The following EPHA6 variants were observed in gnomAD, a reference collection of about 807,000 sequenced individuals.
EPHA6 encodes ephrin type-A receptor 6.
In EPHA6, 50 loss-of-function variants were observed where a neutral mutation model predicts 112.0. The ratio of observed to expected loss-of-function variants is 0.45; its 90% CI spans 0.36 to 0.56. EPHA6 has a LOEUF of 0.56. Among genes scored for constraint, EPHA6 ranks in the 20% least tolerant of loss-of-function variants. The pLI, the probability that EPHA6 is intolerant of heterozygous loss-of-function variation, is 0.00. For missense variants in EPHA6, 1,280 were observed against 1,417.4 expected, an observed-to-expected ratio of 0.90 and a Z score of 1.56; for synonymous variants, 529 against 490.7, an observed-to-expected ratio of 1.08 and a Z score of -1.03.
intron 14 of EPHA6, among the ~76,000 whole-genome samples, chr3:97,694,307 G>C (rs1223817224): frequency 6.6e-6 from 1 of 151,826 alleles, no homozygotes; most frequent in East Asian, 1.9e-4. Context: ...CGTGATCTCG[G>C]CTCACTGCAA....
At chr3:97,623,390 C>G (rs575182133) in intron 13 of EPHA6, among the ~76,000 whole-genome samples, 8 of 151,742 alleles carry the variant, frequency 5.3e-5, no homozygotes, top group African/African-American at 1.9e-4. Context: ...TCTTGGCACC[C>G]TTTTCAAAAA....
intron 11 of EPHA6, among the ~76,000 whole-genome samples, chr3:97,551,725 T>C (rs1401123140): frequency 1.5e-4 from 23 of 152,116 alleles, no homozygotes; most frequent in Admixed American, 1.5e-3. Context: ...TACACTGAAA[T>C]GATAGTACAC....
intron 2 of EPHA6, among the ~76,000 whole-genome samples, chr3:96,880,265 A>G (rs2037232725): frequency 6.6e-6 from 1 of 152,152 alleles, no homozygotes; most frequent in Non-Finnish European, 1.5e-5. Flanking sequence ...CAAATAATGT[A>G]TAATTATGTG....
intron 7 of EPHA6, among the ~76,000 whole-genome samples, chr3:97,451,283 T>C (rs545962638): frequency 9.2e-5 from 14 of 152,118 alleles, no homozygotes; most frequent in Admixed American, 2.6e-4. Context: ...ATTACCTCAT[T>C]TAATTCTGAC....
intron 5 of EPHA6, among the ~76,000 whole-genome samples, chr3:97,286,604 C>T (rs551627966): frequency 6.6e-6 from 1 of 151,016 alleles, no homozygotes; most frequent in African/African-American, 2.4e-5. Flanking sequence ...TGTGTTTGTC[C>T]TTACACCAAT....
intron 7 of EPHA6, among the ~76,000 whole-genome samples, chr3:97,460,075 A>G (rs2107379148): frequency 6.6e-6 from 1 of 152,346 alleles, no homozygotes; most frequent in South Asian, 2.1e-4. Context: ...TTAGCAAAGG[A>G]AAGTTGGACA....
intron 2 of EPHA6, among the ~76,000 whole-genome samples, chr3:96,954,483 A>T (rs777297587): frequency 3.3e-5 from 5 of 151,234 alleles, no homozygotes; most frequent in African/African-American, 1.2e-4. Flanking sequence ...TTTTGATCCT[A>T]CTCTTTCCTC....
chr3:97,601,718 G>A (rs774429080), intron 12 of EPHA6, among the ~76,000 whole-genome samples: 1 of 151,694 alleles, frequency 6.6e-6, no homozygotes, highest in Non-Finnish European at 1.5e-5. Context: ...GGGGTGGGGG[G>A]AAGGAAAGTA....
intron 11 of EPHA6, among the ~76,000 whole-genome samples, chr3:97,581,859 G>A (rs891983496): frequency 6.6e-6 from 1 of 152,200 alleles, no homozygotes; most frequent in African/African-American, 2.4e-5. Flanking sequence ...TAGAAGAGGT[G>A]GCATTTGAGC....
chr3:97,325,230 T>C (rs548330349), intron 5 of EPHA6, among the ~76,000 whole-genome samples: 1 of 152,228 alleles, frequency 6.6e-6, no homozygotes, highest in South Asian at 2.1e-4. Flanking sequence ...CCATCGACTA[T>C]GTGGCTCAAA....
intron 6 of EPHA6, among the ~76,000 whole-genome samples, chr3:97,436,534 A>G (rs1257748306): frequency 6.6e-6 from 1 of 152,180 alleles, no homozygotes; most frequent in East Asian, 1.9e-4. Context: ...ATTTAAATGA[A>G]TTTCTGCTGC....
chr3:97,290,227 G>A (rs1383851074), intron 5 of EPHA6, among the ~76,000 whole-genome samples: 1 of 152,022 alleles, frequency 6.6e-6, no homozygotes, highest in Non-Finnish European at 1.5e-5. Context: ...AGTCATTCTG[G>A]AGTAAGTTGT....
chr3:96,870,494 T>C (rs2107469904), intron 2 of EPHA6, among the ~76,000 whole-genome samples: 1 of 152,230 alleles, frequency 6.6e-6, no homozygotes, highest in South Asian at 2.1e-4. Context: ...AATTTATCTA[T>C]TGATTCAAAT....
chr3:97,373,964 A>G (rs1267847547), intron 5 of EPHA6, among the ~76,000 whole-genome samples: 1 of 152,064 alleles, frequency 6.6e-6, no homozygotes, highest in African/African-American at 2.4e-5. Context: ...TTTGCTTTTG[A>G]TCTATGACTT....
intron 3 of EPHA6, among the ~76,000 whole-genome samples, chr3:97,196,349 C>A (rs1336426684): frequency 1.3e-5 from 2 of 151,880 alleles, no homozygotes; most frequent in Non-Finnish European, 2.9e-5. Flanking sequence ...TCAATCTATT[C>A]AATAAACTTA....
rs570324566 is a variant in EPHA6, at chr3:97,619,531, C to G, written c.2574+8677C>G. The stretch of plus-strand genomic sequence containing the variant: ...ATCTACAAAAGCCCATTGTCTCAGC[C>G]CAAAATCTTCTTAAGCTGATAAGCA... On this transcript the variant is annotated intron_variant, in intron 13 of 17. Transcript: ENST00000389672. Among the ~76,000 whole-genome samples the G allele has an allele frequency of 3.9e-5, 6 of 151,982 alleles. No homozygotes were observed. The South Asian group carries it at 1.3e-3, about 32-fold the overall frequency.
intron 3 of EPHA6, among the ~76,000 whole-genome samples, chr3:97,066,541 A>G (rs2046183845): frequency 6.6e-6 from 1 of 152,186 alleles, no homozygotes; most frequent in Admixed American, 6.6e-5. Flanking sequence ...GTCCTGCAGG[A>G]GACATACCAG....
Position 96,972,129 on chromosome 3 carries a change from CT to C in EPHA6, c.451-15197del, listed in dbSNP as rs1040363678. 2.7e-4 allele frequency among the ~76,000 whole-genome samples: 41 copies of C among 152,058 alleles called. No individual in the cohort carries two copies. In the East Asian group the frequency reaches 6.2e-3, roughly 23 times the overall value. ...TAGCTAATTTAAAAACGCATTTAGT[CT>C]TTTGGATTCTATATCTTTCAAATGG... On this transcript the variant is annotated intron_variant, in intron 2 of 17. Transcript: ENST00000389672.
intron 7 of EPHA6, among the ~76,000 whole-genome samples, chr3:97,460,292 C>T (rs1231882528): frequency 6.6e-6 from 1 of 152,182 alleles, no homozygotes; most frequent in Non-Finnish European, 1.5e-5. Flanking sequence ...ATGTGAAACT[C>T]TCCAGGTATT....
Sources: gnomAD v4.1 joint callset for allele counts (sites outside exome capture counted in the v4.1 genomes callset) on GRCh38, gnomAD v4.1.1 for gene constraint, MANE v1.5 for transcripts, NCBI Gene and HGNC (gene_info 2026-07-23, HGNC 2026-07-21) for gene names.